Variants in ROBO2 observed in about 807,000 individuals in gnomAD.
The protein encoded by ROBO2 is roundabout homolog 2.
Under a neutral mutation model 160.8 loss-of-function variants are expected in ROBO2, and 53 were observed. The observed-to-expected ratio is 0.33, with a 90% CI of 0.26 to 0.41. The LOEUF (loss-of-function observed/expected upper bound fraction) is 0.41, where lower values mean the gene tolerates loss of function less well. Ranked by LOEUF, ROBO2 falls within the 10% of genes least tolerant of loss-of-function variation. The pLI, the probability that ROBO2 is intolerant of heterozygous loss-of-function variation, is 1.00. For synonymous variants in ROBO2, 664 were observed against 611.7 expected (o/e 1.09, Z -1.26); for missense variants, 1,577 against 1,722.4 (o/e 0.92, Z 1.49).
At chr3:76,919,476 A>G (rs960960670) in intron 2 of ROBO2, among the ~76,000 whole-genome samples, 8 of 152,190 alleles carry the variant, frequency 5.3e-5, no homozygotes, top group African/African-American at 1.9e-4. Context: ...ATGTTAGTCT[A>G]AATTTAATTT....
At chr3:76,798,291 A>AGAAAGAAAG (rs2063911734) in intron 2 of ROBO2, among the ~76,000 whole-genome samples, 1 of 150,160 alleles carries the variant, frequency 6.7e-6, no homozygotes, top group Admixed American at 6.6e-5. Context: ...AAAGAAAGAA[A>AGAAAGAAAG]GAAAGAAAGA....
intron 2 of ROBO2, among the ~76,000 whole-genome samples, chr3:77,468,561 T>C (rs745875247): frequency 1.3e-5 from 2 of 152,146 alleles, no homozygotes; most frequent in African/African-American, 2.4e-5. Context: ...TCAAATTATA[T>C]TGTGGGTGAG....
rs1171135763 is a variant in ROBO2 at position 76,756,112 on chromosome 3, A to G, written c.110-341902A>G. Among the ~76,000 whole-genome samples, 37 of 151,882 alleles carry G rather than the reference A, an allele frequency of 2.4e-4. 1 individual carries two copies. The highest frequency in any genetic ancestry group is 2.4e-3 in the Admixed American group (37 of 15,200). On this transcript the variant is annotated intron_variant, in intron 2 of 26. Transcript: ENST00000487694. ...GTCTTAGGCTTTATATTATAAAAATATAAGTTGGATTTTCATGGTCTATTG... is the reference window on the plus strand; with the variant it reads ...GTCTTAGGCTTTATATTATAAAAATGTAAGTTGGATTTTCATGGTCTATTG...
intron 2 of ROBO2, among the ~76,000 whole-genome samples, chr3:76,200,024 A>T (rs544625991): frequency 2.0e-5 from 3 of 152,198 alleles, no homozygotes; most frequent in Non-Finnish European, 4.4e-5. Context: ...GGATAAAAAA[A>T]CAACTTTTTT....
chr3:77,435,999 C>CTT (rs1221564746), intron 2 of ROBO2, among the ~76,000 whole-genome samples: 1 of 149,872 alleles, frequency 6.7e-6, no homozygotes, highest in Non-Finnish European at 1.5e-5. Flanking sequence ...TTAAGAATGA[C>CTT]TTTGTCATTC....
intron 2 of ROBO2, among the ~76,000 whole-genome samples, chr3:76,283,047 C>T (rs1461132311): frequency 9.7e-5 from 13 of 134,300 alleles, no homozygotes; most frequent in African/African-American, 3.0e-4. Context: ...AAATCTGAGC[C>T]AAGTTGTTTC....
rs546471197 is a variant in ROBO2, at chr3:76,676,929, A to G, written c.110-421085A>G. 5.3e-5 allele frequency among the ~76,000 whole-genome samples: 8 copies of G among 152,236 alleles called. No individual in the cohort carries two copies. In the South Asian group the frequency reaches 1.2e-3, roughly 24 times the overall value. On this transcript the variant is annotated intron_variant, in intron 2 of 26. Coordinates refer to the ROBO2 transcript ENST00000487694. Reference sequence around the variant, plus strand: ...AAGGTACCACTCTACCTGGGACTACATAGAACCCCCTCCAGGCTTCCACAC... The same window carrying G: ...AAGGTACCACTCTACCTGGGACTACGTAGAACCCCCTCCAGGCTTCCACAC...
intron 2 of ROBO2, among the ~76,000 whole-genome samples, chr3:76,685,832 G>T (rs1560374814): frequency 6.6e-6 from 1 of 152,086 alleles, no homozygotes; most frequent in Non-Finnish European, 1.5e-5. Context: ...AATAATGGAG[G>T]TATTGTTTTA....
At chr3:76,755,226 C>T (rs1410408055) in intron 2 of ROBO2, among the ~76,000 whole-genome samples, 1 of 151,818 alleles carries the variant, frequency 6.6e-6, no homozygotes, top group Non-Finnish European at 1.5e-5. Flanking sequence ...TTCTCTCATT[C>T]ACTGAATATT....
At chr3:77,394,597 A>G (rs918108203) in intron 2 of ROBO2, among the ~76,000 whole-genome samples, 25 of 152,188 alleles carry the variant, frequency 1.6e-4, no homozygotes, top group African/African-American at 4.6e-4. Flanking sequence ...TGAGAATGCA[A>G]AGAATAAATG....
intron 2 of ROBO2, among the ~76,000 whole-genome samples, chr3:76,627,866 A>AT (rs1260391152): frequency 1.3e-5 from 2 of 152,014 alleles, no homozygotes; most frequent in South Asian, 2.1e-4. Context: ...GTTTTAAGGG[A>AT]TTTTTTTCTT....
chr3:76,896,716 T>C (rs759361202), intron 2 of ROBO2, among the ~76,000 whole-genome samples: 4 of 152,158 alleles, frequency 2.6e-5, no homozygotes, highest in Non-Finnish European at 4.4e-5. Context: ...TCTGATAACA[T>C]TGGTGACTGG....
chr3:77,605,751 C>A (rs1475253304), intron 20 of ROBO2, among the ~76,000 whole-genome samples: 1 of 152,138 alleles, frequency 6.6e-6, no homozygotes, highest in Non-Finnish European at 1.5e-5. Context: ...ACGTAACACT[C>A]AGAATGAACC....
At chr3:76,729,798 T>A (rs2093606769) in intron 2 of ROBO2, among the ~76,000 whole-genome samples, 1 of 152,176 alleles carries the variant, frequency 6.6e-6, no homozygotes, top group Admixed American at 6.5e-5. Context: ...CCACCACGCC[T>A]GGCTAATTTT....
chr3:77,084,879 T>C (rs1257811503), intron 1 of ROBO2, among the ~76,000 whole-genome samples: 1 of 152,154 alleles, frequency 6.6e-6, no homozygotes, highest in Non-Finnish European at 1.5e-5. Flanking sequence ...AAATAAGCTC[T>C]TTTTTCTCTG....
intron 2 of ROBO2, among the ~76,000 whole-genome samples, chr3:76,291,314 T>G (rs1559725176): frequency 6.6e-6 from 1 of 152,142 alleles, no homozygotes. Flanking sequence ...TTCTTCTAGA[T>G]TTTCTAGTTT....
At chr3:77,140,437 G>A (rs1251935806) in intron 2 of ROBO2, among the ~76,000 whole-genome samples, 1 of 152,150 alleles carries the variant, frequency 6.6e-6, no homozygotes, top group Non-Finnish European at 1.5e-5. Context: ...TATTAAATTT[G>A]CACTGCTCAG....
intron 2 of ROBO2, among the ~76,000 whole-genome samples, chr3:76,113,701 T>TA (rs1319776886): frequency 4.6e-5 from 7 of 152,294 alleles, no homozygotes; most frequent in Admixed American, 1.3e-4. Flanking sequence ...AATGCACTTA[T>TA]AAGGCCAGAA....
chr3:77,099,213 A>G (rs1002851695), intron 2 of ROBO2, among the ~76,000 whole-genome samples: 1 of 151,718 alleles, frequency 6.6e-6, no homozygotes, highest in Non-Finnish European at 1.5e-5. Flanking sequence ...CTGGGATTAC[A>G]GACACCAGGC....
Sources: gnomAD v4.1 joint callset for allele counts (sites outside exome capture counted in the v4.1 genomes callset) on GRCh38, gnomAD v4.1.1 for gene constraint, MANE v1.5 for transcripts, NCBI Gene and HGNC (gene_info 2026-07-23, HGNC 2026-07-21) for gene names.